EIF2AK3: variants seen among roughly 807,000 people sequenced by gnomAD.
The protein encoded by EIF2AK3 is eukaryotic translation initiation factor 2 alpha kinase 3.
In EIF2AK3, 50 loss-of-function variants were observed where a neutral mutation model predicts 113.5. That is an observed-to-expected ratio of 0.44 (90% CI 0.35 to 0.56). The LOEUF (loss-of-function observed/expected upper bound fraction) is 0.56, where lower values mean the gene tolerates loss of function less well. EIF2AK3 is among the 20% of genes least tolerant of loss of function. EIF2AK3 has a pLI of 0.00. For synonymous variants in EIF2AK3, 448 were observed against 495.4 expected, an observed-to-expected ratio of 0.90 and a Z score of 1.27; for missense variants, 1,185 against 1,378.0, an observed-to-expected ratio of 0.86 and a Z score of 2.22.
intron 1 of EIF2AK3, among the ~76,000 whole-genome samples, chr2:88,620,914 G>A (rs1488554864): frequency 6.6e-6 from 1 of 152,188 alleles, no homozygotes; most frequent in Non-Finnish European, 1.5e-5. Flanking sequence ...CTAAATAAAT[G>A]TTTGTTGAAT....
At chr2:88,576,796 G>T in intron 11 of EIF2AK3, 93 bp from the exon 12 acceptor site, 1 of 1,360,876 alleles carries the variant, frequency 7.3e-7, no homozygotes, top group Admixed American at 2.1e-5. Context: ...AAAATATGTA[G>T]ATGTATTATA....
chr2:88,627,117 G>A lies in EIF2AK3; in HGVS notation c.158C>T (p.Pro53Leu). The change falls in exon 1 of 17, where the codon CCC (proline) becomes CTC (leucine). Residue 53 changes from proline to leucine, a missense_variant. Physicochemically the swap from Pro to Leu is moderately conservative, Grantham distance 98 (BLOSUM62 -3). Around this residue, in one of 3 missense-constraint regions of EIF2AK3, gnomAD observed 189 missense variants for 175.2 expected, o/e 1.08. Transcript: ENST00000303236. Reference protein sequence around the residue: ...AAFGLGAAAAPTSATRVPAAG... With the variant: ...AAFGLGAAAALTSATRVPAAG... The stretch of plus-strand genomic sequence containing the variant: ...CGCCGGTACTCGCGTCGCTGAGGTG[G>A]GAGCAGCGGCCGCCCCGAGGCCGAA... 1.3e-6 allele frequency: 2 copies of A among 1,509,414 alleles called. No individual in the cohort carries two copies. Among genetic ancestry groups the A allele is most frequent in the Non-Finnish European group, 1.8e-6 (2 of 1,136,028 alleles). 93.5% of individuals were successfully genotyped at this position (1,509,414 alleles called of 1,614,324 possible).
rs148219128 is a variant in EIF2AK3, at chr2:88,582,332, C to T, written c.1763+1098G>A. 3.1e-3 allele frequency among the ~76,000 whole-genome samples: 468 copies of T among 152,236 alleles called. 1 individual carries two copies. The highest frequency in any genetic ancestry group is 0.01 in the Middle Eastern group (3 of 294). On this transcript the variant is annotated intron_variant, in intron 10 of 16. Coordinates refer to ENST00000303236, the MANE Select transcript of EIF2AK3 (RefSeq NM_004836.7). ...TCCCTTAGGGATCTCTTTGTATAAT[C>T]ATGCCTTGTGATTAAGGTCAATGGA...
chr2:88,589,608 T>C (rs67637237), intron 6 of EIF2AK3, among the ~76,000 whole-genome samples: 38,058 of 150,328 alleles, frequency 0.25, 5,342 homozygotes, highest in East Asian at 0.32. Flanking sequence ...TGAGGATATA[T>C]ACCTAACTAT....
intron 2 of EIF2AK3, among the ~76,000 whole-genome samples, chr2:88,599,655 A>T (rs926853009): frequency 6.6e-6 from 1 of 152,152 alleles, no homozygotes; most frequent in Non-Finnish European, 1.5e-5. Flanking sequence ...GTATAAACAG[A>T]GAAAGCAGGT....
chr2:88,627,363 T>G lies in EIF2AK3; in HGVS notation c.-89A>C. 1 of 1,355,702 alleles carries G rather than the reference T, an allele frequency of 7.4e-7. No individual in the cohort carries two copies. The highest frequency in any genetic ancestry group is 9.5e-7 in the Non-Finnish European group (1 of 1,047,482). 84.0% of individuals were successfully genotyped at this position (1,355,702 alleles called of 1,614,324 possible). A position where few individuals can be genotyped will look rare whatever the true frequency, so the allele number is the denominator to read the frequency against. ...TGGAGCTCCCAAGAAGGCAAGGACGTGCTAGGGACCCTACTGCCGCCCCGA... is the reference window on the plus strand; with the variant it reads ...TGGAGCTCCCAAGAAGGCAAGGACGGGCTAGGGACCCTACTGCCGCCCCGA... On this transcript the variant is annotated 5_prime_UTR_variant, in exon 1 of 17. Transcript: ENST00000303236.
intron 2 of EIF2AK3, among the ~76,000 whole-genome samples, chr2:88,610,173 G>A (rs181289520): frequency 1.6e-4 from 24 of 152,114 alleles, no homozygotes; most frequent in Admixed American, 1.5e-3. Context: ...GCCAATTTGC[G>A]CTTCACAGCT....
intron 2 of EIF2AK3, among the ~76,000 whole-genome samples, chr2:88,605,215 A>G (rs1675241697): frequency 1.3e-5 from 2 of 152,212 alleles, no homozygotes; most frequent in Admixed American, 6.5e-5. Flanking sequence ...AAAAGCAAAA[A>G]TATAAACTCA....
At chr2:88,626,453 C>A (rs751382871) in intron 1 of EIF2AK3, among the ~76,000 whole-genome samples, 2 of 152,132 alleles carry the variant, frequency 1.3e-5, no homozygotes, top group Admixed American at 1.3e-4. Flanking sequence ...ACCAGCAACC[C>A]CAGGTGATTC....
chr2:88,618,686 T>C (rs1330874063), intron 1 of EIF2AK3, among the ~76,000 whole-genome samples: 1 of 152,226 alleles, frequency 6.6e-6, no homozygotes, highest in African/African-American at 2.4e-5. Context: ...ATTTATGATG[T>C]GGATGAAGAA....
rs918064376 is a variant in EIF2AK3 at position 88,590,331 on chromosome 2, T to C, written c.1165+112A>G. 8 of 1,039,784 alleles carry C rather than the reference T, an allele frequency of 7.7e-6. No homozygotes were observed. In the African/African-American group the frequency reaches 1.1e-4, roughly 14 times the overall value. 64.4% of individuals were successfully genotyped at this position (1,039,784 alleles called of 1,614,324 possible). A position where few individuals can be genotyped will look rare whatever the true frequency, so the allele number is the denominator to read the frequency against. On this transcript the variant is annotated intron_variant, in intron 6 of 16. Transcript: ENST00000303236. Reference sequence around the variant, plus strand: ...TCTCAAGGGCAACGTACATCAGAGATGATATTAGGATTTAAAACTACTACA... The same window carrying C: ...TCTCAAGGGCAACGTACATCAGAGACGATATTAGGATTTAAAACTACTACA...
intron 10 of EIF2AK3, among the ~76,000 whole-genome samples, chr2:88,582,440 T>C (rs888715555): frequency 1.4e-4 from 22 of 152,226 alleles, no homozygotes; most frequent in Admixed American, 8.5e-4. Context: ...CTACCAGATA[T>C]AGAATTACAA....
chr2:88,604,665 C>T (rs972595512), intron 2 of EIF2AK3, among the ~76,000 whole-genome samples: 3 of 152,174 alleles, frequency 2.0e-5, no homozygotes, highest in Non-Finnish European at 4.4e-5. Flanking sequence ...TGCACGCCTC[C>T]CTCCTGCAAT....
chr2:88,575,658 AT>A, intron 12 of EIF2AK3: 1 of 604,034 alleles, frequency 1.7e-6, no homozygotes, highest in South Asian at 1.9e-5. Context: ...TTAAAGCTTA[AT>A]TTTATACATG....
Position 88,590,832 on chromosome 2 carries a change from C to G in EIF2AK3, c.988G>C (p.Glu330Gln). The change falls in exon 5 of 17, where the codon GAA (glutamate) becomes CAA (glutamine). Residue 330 changes from glutamate to glutamine, a missense_variant. Glu to Gln is a conservative substitution (Grantham distance 29). Transcript: ENST00000303236. ...MAFSKKGGHL[E>Q]WEYQFCTPIA... is the part of the protein sequence containing the mutation. ...GTGTTAGGTACCTGGTACTCCCATT[C>G]CAGATGTCCTCCCTTCTTACTGAAT... 1 of 1,614,064 alleles carries G rather than the reference C, an allele frequency of 6.2e-7. No individual in the cohort carries two copies. Among genetic ancestry groups the G allele is most frequent in the South Asian group, 1.1e-5 (1 of 91,082 alleles).
intron 3 of EIF2AK3, among the ~76,000 whole-genome samples, chr2:88,594,570 G>A (rs1674966871): frequency 6.6e-6 from 1 of 152,100 alleles, no homozygotes; most frequent in Non-Finnish European, 1.5e-5. Context: ...ATTATATTAT[G>A]ATTATATCCT....
At chr2:88,561,838 G>A (rs969770196) in intron 15 of EIF2AK3, among the ~76,000 whole-genome samples, 5 of 152,064 alleles carry the variant, frequency 3.3e-5, no homozygotes, top group Non-Finnish European at 7.4e-5. Flanking sequence ...CAGCCTGAGC[G>A]ACAGAGCAAG....
intron 4 of EIF2AK3, among the ~76,000 whole-genome samples, chr2:88,592,178 C>T (rs1025919601): frequency 7.2e-5 from 11 of 152,012 alleles, no homozygotes; most frequent in African/African-American, 1.4e-4. Context: ...GTAGAATCAG[C>T]GTATCTAATC....
At position 88,590,349 on chromosome 2, in the gene EIF2AK3, C is replaced by A. The variant is rs1674850768; in HGVS notation, c.1165+94G>T. On this transcript the variant is annotated intron_variant, in intron 6 of 16. Coordinates refer to ENST00000303236, the MANE Select transcript of EIF2AK3 (RefSeq NM_004836.7). ...TCAGAGATGATATTAGGATTTAAAACTACTACAGGCACTCCTGAAGTAGGA... is the reference window on the plus strand; with the variant it reads ...TCAGAGATGATATTAGGATTTAAAAATACTACAGGCACTCCTGAAGTAGGA... 5 of 1,302,318 alleles carry A rather than the reference C, an allele frequency of 3.8e-6. No homozygotes were observed. The Admixed American group carries it at 6.8e-5, about 18-fold the overall frequency. 80.7% of individuals were successfully genotyped at this position (1,302,318 alleles called of 1,614,324 possible). A position where few individuals can be genotyped will look rare whatever the true frequency, so the allele number is the denominator to read the frequency against.
Sources: gnomAD v4.1 joint callset for allele counts (sites outside exome capture counted in the v4.1 genomes callset) on GRCh38, gnomAD v4.1.1 for gene constraint, gnomAD v4.1.1 regional missense constraint, MANE v1.5 for transcripts, NCBI Gene and HGNC (gene_info 2026-07-23, HGNC 2026-07-21) for gene names.